The following CTPS2 variants were observed in gnomAD, a reference collection of about 807,000 sequenced individuals.
The protein encoded by CTPS2 is CTP synthase 2, also known as CTP synthase II.
A neutral mutation model predicts 46.8 loss-of-function variants in CTPS2; 19 were observed. That is an observed-to-expected ratio of 0.41 (90% CI 0.28 to 0.60). The LOEUF (loss-of-function observed/expected upper bound fraction) is 0.60. Ranked by LOEUF, CTPS2 falls within the 20% of genes least tolerant of loss-of-function variation. The probability of loss-of-function intolerance (pLI) is 0.35; values close to 1 mark genes in which losing one functional copy is unlikely to be tolerated. For synonymous variants in CTPS2, 151 were observed against 165.2 expected (o/e 0.91, Z 0.66); for missense variants, 286 against 447.6 (o/e 0.64, Z 3.26).
At chrX:16,670,753 G>T in intron 10 of CTPS2, 79 bp from the exon 11 acceptor site, 1 of 638,187 alleles carries the variant, frequency 1.6e-6, no homozygotes, top group Non-Finnish European at 2.4e-6. Flanking sequence ...TTCGTGCAAT[G>T]CTTGGTCCAA....
intron 16 of CTPS2, among the ~76,000 whole-genome samples, chrX:16,616,338 T>A (rs1223995493): frequency 8.9e-6 from 1 of 112,373 alleles, no homozygotes; most frequent in African/African-American, 3.2e-5. Context: ...AAAACAACTC[T>A]GGGGGCAGTG....
At chrX:16,664,914 T>A (rs1358256476) in intron 13 of CTPS2, among the ~76,000 whole-genome samples, 1 of 111,967 alleles carries the variant, frequency 8.9e-6, no homozygotes, top group African/African-American at 3.2e-5. Context: ...ATATCTAGAA[T>A]ATATAAAGAA....
At chrX:16,637,352 G>T (rs752907043) in intron 14 of CTPS2, among the ~76,000 whole-genome samples, 1 of 111,539 alleles carries the variant, frequency 9.0e-6, no homozygotes, top group Non-Finnish European at 1.9e-5. Flanking sequence ...CCAAGTGGCT[G>T]GGACCACAGG....
At chrX:16,651,005 G>A (rs1932593869) in intron 13 of CTPS2, 2 of 1,203,812 alleles carry the variant, frequency 1.7e-6, no homozygotes, top group Non-Finnish European at 1.1e-6. Flanking sequence ...TAAGACACCA[G>A]AATGAGTACT....
intron 14 of CTPS2, among the ~76,000 whole-genome samples, chrX:16,621,128 G>A (rs865837527): frequency 1.2e-4 from 13 of 110,236 alleles, no homozygotes. Context: ...ACATGCCTAC[G>A]TAGCTGAGGC....
At chrX:16,678,500 C>G (rs768472590) in intron 9 of CTPS2, 50 bp from the exon 10 acceptor site, 5 of 766,288 alleles carry the variant, frequency 6.5e-6, no homozygotes, top group Non-Finnish European at 9.9e-6. Flanking sequence ...AATAAACACT[C>G]AAAAATACTG....
intron 16 of CTPS2, among the ~76,000 whole-genome samples, chrX:16,611,384 G>A (rs761006683): frequency 4.2e-4 from 46 of 110,356 alleles, no homozygotes; most frequent in Non-Finnish European, 7.6e-4. Context: ...CCAGGAGGTG[G>A]AGGTTGCCAT....
At chrX:16,703,393 T>G (rs1049552586) in intron 1 of CTPS2, among the ~76,000 whole-genome samples, 1 of 109,710 alleles carries the variant, frequency 9.1e-6, no homozygotes, top group Admixed American at 9.9e-5. Context: ...TGCAGTGGCA[T>G]GTTCATAGCT....
At chrX:16,594,316 C>G (rs766719734) in intron 17 of CTPS2, among the ~76,000 whole-genome samples, 12 of 111,306 alleles carry the variant, frequency 1.1e-4, no homozygotes, top group African/African-American at 3.9e-4. Flanking sequence ...ATCTTCCCCC[C>G]ACACTCCTGG....
intron 13 of CTPS2, chrX:16,650,861 C>A: frequency 1.9e-6 from 1 of 514,657 alleles, no homozygotes; most frequent in Admixed American, 3.6e-5. Context: ...CCATTCCGAC[C>A]CCGACATTCT....
Position 16,689,568 on chromosome X carries a change from G to A in CTPS2, c.754C>T (p.Arg252Ter). The A allele has an allele frequency of 1.7e-6, 2 of 1,209,248 alleles. No individual in the cohort carries two copies. Among genetic ancestry groups the A allele is most frequent in the Non-Finnish European group, 1.1e-6 (1 of 894,051 alleles). ...TGTTCCTCTAAAAGCACAGGAACTC[G>A]GTATGTGGAAGAAACATCATGGATA... Reference protein sequence around the residue: ...ICIHDVSSTYRVPVLLEEQSI... With the variant: ...ICIHDVSSTY Residue 252 changes from arginine to a stop codon, truncating the protein, a stop_gained, in exon 8 of 19, where the codon CGA (arginine) becomes TGA (stop). Transcript: ENST00000359276. LOFTEE classifies it high-confidence loss of function.
chrX:16,632,529 C>G (rs1931532722), intron 14 of CTPS2, among the ~76,000 whole-genome samples: 1 of 109,539 alleles, frequency 9.1e-6, no homozygotes, highest in Non-Finnish European at 1.9e-5. Context: ...TCAAGCTATT[C>G]TCCTGCCTCA....
chrX:16,667,427 C>T, intron 13 of CTPS2, 87 bp downstream of exon 13: 1 of 1,011,975 alleles, frequency 9.9e-7, no homozygotes, highest in Non-Finnish European at 1.4e-6. Context: ...AGCCATGGCG[C>T]CCAGCCAATA....
chrX:16,693,590 A>G, intron 4 of CTPS2, 103 bp from the exon 5 acceptor site: 1 of 554,015 alleles, frequency 1.8e-6, no homozygotes, highest in Admixed American at 3.1e-5. Context: ...ATGAGAACTA[A>G]AGTTTGATGG....
chrX:16,703,331 ATT>A (rs755272843), intron 1 of CTPS2, among the ~76,000 whole-genome samples: 1 of 98,521 alleles, frequency 1.0e-5, no homozygotes. Flanking sequence ...CTAGCTCAGA[ATT>A]TTTTTTTTTT....
intron 14 of CTPS2, among the ~76,000 whole-genome samples, chrX:16,635,246 AG>A (rs1931681550): frequency 1.8e-5 from 2 of 112,382 alleles, no homozygotes; most frequent in South Asian, 7.3e-4. Context: ...CTTGGAAAAA[AG>A]TCTACAAAAG....
intron 8 of CTPS2, among the ~76,000 whole-genome samples, chrX:16,685,613 G>C (rs1044101222): frequency 2.7e-4 from 29 of 108,730 alleles, no homozygotes; most frequent in Admixed American, 9.9e-4. Context: ...AATCCCAGCA[G>C]TTTGGGAGGC....
chrX:16,609,709 C>G, intron 16 of CTPS2, 24 bp from the exon 17 acceptor site: 2 of 1,176,513 alleles, frequency 1.7e-6, no homozygotes, highest in African/African-American at 3.5e-5. Context: ...AATCACGATG[C>G]GATTAAAGCA....
At chrX:16,693,309 C>G in intron 5 of CTPS2, 62 bp downstream of exon 5, 1 of 1,049,079 alleles carries the variant, frequency 9.5e-7, no homozygotes, top group Non-Finnish European at 1.3e-6. Context: ...ATGCAGGACA[C>G]ATAGAATATC....
Sources: allele counts gnomAD v4.1 joint callset (sites outside exome capture counted in the v4.1 genomes callset), GRCh38; gene constraint gnomAD v4.1.1; transcripts MANE v1.5; gene names NCBI Gene and HGNC (gene_info 2026-07-23, HGNC 2026-07-21).